Variants in ABTB3 observed in about 807,000 individuals in gnomAD.
ABTB3 encodes the protein ankyrin repeat- and BTB/POZ domain-containing protein 3.
chr12:107,623,885 G>A, the ABTB3 span, among the ~76,000 whole-genome samples: 3 of 152,310 alleles, frequency 2.0e-5, no homozygotes, highest in East Asian at 5.8e-4. Context: ...GTCTCTGGGG[G>A]TGGGGCTGAT....
At chr12:107,389,834 ATGTGTGTGTGTTTGTGTGTGTGTG>A in the ABTB3 span, among the ~76,000 whole-genome samples, 4 of 101,854 alleles carry the variant, frequency 3.9e-5, no homozygotes, top group African/African-American at 1.7e-4. Flanking sequence ...ATGCTGGGGC[ATGTGTGTGTGTTTGTGTGTGTGTG>A]TGTGTGTGTG....
chr12:107,357,315 C>T, the ABTB3 span, among the ~76,000 whole-genome samples: 2 of 152,160 alleles, frequency 1.3e-5, no homozygotes, highest in African/African-American at 2.4e-5. Flanking sequence ...ACCCAATGCC[C>T]CAGGCTTTCA....
chr12:107,320,079 A>G, the ABTB3 span: 3 of 1,470,088 alleles, frequency 2.0e-6, no homozygotes, highest in Non-Finnish European at 2.7e-6. Flanking sequence ...GCCAGCGGTA[A>G]GTGTCTGCGC....
the ABTB3 span, among the ~76,000 whole-genome samples, chr12:107,628,013 C>G: frequency 9.2e-5 from 14 of 152,204 alleles, no homozygotes; most frequent in Non-Finnish European, 1.3e-4. Context: ...GCCTCAGGAT[C>G]TTGCTGGGAT....
chr12:107,647,151 G>A, the ABTB3 span, among the ~76,000 whole-genome samples: 28 of 152,076 alleles, frequency 1.8e-4, no homozygotes, highest in East Asian at 7.7e-4. Context: ...GCAACATAGC[G>A]AAATCCCGTC....
chr12:107,318,835 C>T, the ABTB3 span: 4 of 1,336,714 alleles, frequency 3.0e-6, no homozygotes, highest in Non-Finnish European at 4.0e-6. Context: ...GAAAAGTGAG[C>T]CAAGGCGGCG....
At chr12:107,565,298 AT>A in the ABTB3 span, among the ~76,000 whole-genome samples, 35 of 150,212 alleles carry the variant, frequency 2.3e-4, no homozygotes, top group African/African-American at 6.8e-4. Context: ...TTGTTCGCTG[AT>A]TTTTTTTTTC....
chr12:107,587,523 G>C, the ABTB3 span, among the ~76,000 whole-genome samples: 1 of 152,150 alleles, frequency 6.6e-6, no homozygotes, highest in Non-Finnish European at 1.5e-5. Context: ...GAGCAGGAAT[G>C]GGGGAGTGAG....
chr12:107,548,678 A>T, the ABTB3 span, among the ~76,000 whole-genome samples: 1 of 152,186 alleles, frequency 6.6e-6, no homozygotes, highest in Non-Finnish European at 1.5e-5. Context: ...AAATTTTATA[A>T]TATTTACGAT....
At chr12:107,331,044 T>C in the ABTB3 span, among the ~76,000 whole-genome samples, 1 of 152,168 alleles carries the variant, frequency 6.6e-6, no homozygotes, top group Non-Finnish European at 1.5e-5. Context: ...GATTAACTGA[T>C]TTTCTCTGGG....
At chr12:107,581,330 G>C in the ABTB3 span, 1 of 1,306,192 alleles carries the variant, frequency 7.7e-7, no homozygotes, top group Non-Finnish European at 9.7e-7. Flanking sequence ...GGCGGGGGGC[G>C]GCAGGGGAGG....
At chr12:107,342,531 G>A in the ABTB3 span, among the ~76,000 whole-genome samples, 3 of 151,934 alleles carry the variant, frequency 2.0e-5, no homozygotes, top group African/African-American at 4.8e-5. Flanking sequence ...TCGGAGCCTC[G>A]CCTTACTCTC....
the ABTB3 span, among the ~76,000 whole-genome samples, chr12:107,539,356 T>C: frequency 2.6e-5 from 4 of 152,170 alleles, no homozygotes; most frequent in Non-Finnish European, 5.9e-5. Flanking sequence ...TGACCAGTGG[T>C]TGGAGCTTCC....
chr12:107,617,334 G>T, the ABTB3 span: 1 of 1,614,008 alleles, frequency 6.2e-7, no homozygotes, highest in Admixed American at 1.7e-5. Flanking sequence ...CTGTTGGAGC[G>T]TGGTGCCGAT....
At chr12:107,469,989 TTTC>T in the ABTB3 span, among the ~76,000 whole-genome samples, 7 of 103,150 alleles carry the variant, frequency 6.8e-5, 1 homozygote, top group African/African-American at 1.1e-4. Flanking sequence ...TCTTTCTTTC[TTTC>T]TTTCTTTCTT....
chr12:107,421,238 T>C, the ABTB3 span, among the ~76,000 whole-genome samples: 2 of 152,208 alleles, frequency 1.3e-5, no homozygotes, highest in African/African-American at 2.4e-5. Context: ...AACATCTCTG[T>C]AGTTTTAGAG....
At chr12:107,565,275 A>G in the ABTB3 span, among the ~76,000 whole-genome samples, 3 of 151,708 alleles carry the variant, frequency 2.0e-5, no homozygotes, top group South Asian at 4.2e-4. Flanking sequence ...CAACCCTGAC[A>G]TTGTTGGCAT....
chr12:107,486,844 G>C, the ABTB3 span, among the ~76,000 whole-genome samples: 1 of 151,768 alleles, frequency 6.6e-6, no homozygotes, highest in East Asian at 1.9e-4. Context: ...GCAACCCTAA[G>C]TGGTAGGTAT....
At chr12:107,443,411 G>A in the ABTB3 span, among the ~76,000 whole-genome samples, 2 of 152,012 alleles carry the variant, frequency 1.3e-5, no homozygotes, top group African/African-American at 2.4e-5. Context: ...GGCGACCTTG[G>A]TAGCACATGA....
Sources: allele counts gnomAD v4.1 joint callset (sites outside exome capture counted in the v4.1 genomes callset), GRCh38; gene constraint gnomAD v4.1.1; transcripts MANE v1.5; gene names NCBI Gene and HGNC (gene_info 2026-07-23, HGNC 2026-07-21).